NXPE2: variants seen among roughly 807,000 people sequenced by gnomAD.
The protein encoded by NXPE2 is NXPE family member 2.
NXPE2 carries 34 observed loss-of-function variants against 34.4 expected under a neutral mutation model. The observed-to-expected ratio is 0.99, with a 90% CI of 0.75 to 1.31. NXPE2 has a LOEUF of 1.31. Among genes scored for constraint, NXPE2 ranks in the 40% most tolerant of loss-of-function variants. The probability of loss-of-function intolerance (pLI) is 0.00; values close to 1 mark genes in which losing one functional copy is unlikely to be tolerated. For synonymous variants in NXPE2, 235 were observed against 231.3 expected, an observed-to-expected ratio of 1.02 and a Z score of -0.15; for missense variants, 649 against 672.5, an observed-to-expected ratio of 0.97 and a Z score of 0.39.
At chr11:114,668,746 T>C in the NXPE2 span, among the ~76,000 whole-genome samples, 1 of 152,120 alleles carries the variant, frequency 6.6e-6, no homozygotes, top group Non-Finnish European at 1.5e-5. Context: ...TTAGTGAATA[T>C]TGTAAATATA....
the NXPE2 span, among the ~76,000 whole-genome samples, chr11:114,607,583 G>GC: frequency 1.7e-4 from 26 of 152,008 alleles, no homozygotes; most frequent in African/African-American, 5.3e-4. Context: ...TTACCCAGTG[G>GC]ATAATAAGTC....
chr11:114,645,059 T>C, the NXPE2 span, among the ~76,000 whole-genome samples: 35 of 151,792 alleles, frequency 2.3e-4, no homozygotes, highest in African/African-American at 8.2e-4. Context: ...CTCAGCACTT[T>C]GGGAGGCTGA....
chr11:114,686,627 T>C (rs1487188558), intron 2 of NXPE2, among the ~76,000 whole-genome samples: 1 of 152,200 alleles, frequency 6.6e-6, no homozygotes, highest in African/African-American at 2.4e-5. Context: ...CCATTGGGTA[T>C]ATACCCAGTA....
the NXPE2 span, among the ~76,000 whole-genome samples, chr11:114,777,547 A>T: frequency 6.6e-6 from 1 of 152,170 alleles, no homozygotes; most frequent in African/African-American, 2.4e-5. Flanking sequence ...TGTTGAAGAC[A>T]GATTGTATTG....
Position 114,697,204 on chromosome 11 carries a change from A to T in NXPE2, c.133-841A>T, listed in dbSNP as rs543010215. ...AATAAGTGAAAGGGCTCAAGATGAG[A>T]TCATCCTGGATTAAGGGGGATCCTA... On this transcript the variant is annotated intron_variant, in intron 2 of 5. Transcript: ENST00000389586. Among the ~76,000 whole-genome samples, 14 of 152,306 alleles carry T rather than the reference A, an allele frequency of 9.2e-5. No homozygotes were observed. In the East Asian group the frequency reaches 2.7e-3, roughly 29 times the overall value.
chr11:114,487,419 C>T, the NXPE2 span, among the ~76,000 whole-genome samples: 1 of 152,214 alleles, frequency 6.6e-6, no homozygotes, highest in Admixed American at 6.5e-5. Context: ...TTTCCAAATA[C>T]AAGCTCACAT....
the NXPE2 span, among the ~76,000 whole-genome samples, chr11:114,586,298 T>C: frequency 6.6e-6 from 1 of 152,204 alleles, no homozygotes; most frequent in Admixed American, 6.5e-5. Context: ...AGAGAGACAA[T>C]GAACCTCGGG....
At chr11:114,697,447 G>T (rs867028079) in intron 2 of NXPE2, among the ~76,000 whole-genome samples, 3 of 152,156 alleles carry the variant, frequency 2.0e-5, no homozygotes, top group African/African-American at 7.2e-5. Context: ...CTTGATCTCC[G>T]ACTTCTGGCC....
At chr11:114,577,110 TAC>T in the NXPE2 span, among the ~76,000 whole-genome samples, 49 of 141,874 alleles carry the variant, frequency 3.5e-4, no homozygotes, top group South Asian at 4.2e-3. Context: ...GTTATATATA[TAC>T]ACATATATAT....
the NXPE2 span, among the ~76,000 whole-genome samples, chr11:114,541,165 G>A: frequency 2.0e-5 from 3 of 152,024 alleles, no homozygotes; most frequent in African/African-American, 4.8e-5. Flanking sequence ...CAAAAACATC[G>A]ACACTATTCT....
At chr11:114,490,641 C>G in the NXPE2 span, among the ~76,000 whole-genome samples, 57 of 152,314 alleles carry the variant, frequency 3.7e-4, no homozygotes, top group African/African-American at 1.3e-3. Context: ...GGAAAACTGG[C>G]TAGCCATATG....
chr11:114,490,692 A>C, the NXPE2 span, among the ~76,000 whole-genome samples: 2 of 152,226 alleles, frequency 1.3e-5, no homozygotes, highest in African/African-American at 2.4e-5. Context: ...ACCTTATACA[A>C]AAATTAATTC....
chr11:114,484,179 T>G, the NXPE2 span, among the ~76,000 whole-genome samples: 1 of 152,114 alleles, frequency 6.6e-6, no homozygotes, highest in African/African-American at 2.4e-5. Flanking sequence ...CCCCTATCCC[T>G]TTGTATTGTT....
the NXPE2 span, among the ~76,000 whole-genome samples, chr11:114,573,238 C>A: frequency 1.3e-5 from 2 of 151,994 alleles, no homozygotes; most frequent in South Asian, 2.1e-4. Flanking sequence ...TCAAAGCACA[C>A]CAAAATAGAA....
At chr11:114,695,665 T>A (rs1222675190) in intron 2 of NXPE2, among the ~76,000 whole-genome samples, 2 of 151,928 alleles carry the variant, frequency 1.3e-5, no homozygotes, top group Admixed American at 1.3e-4. Context: ...TCCAAACACA[T>A]CAGTGAAACA....
chr11:114,718,917 G>C, the NXPE2 span, among the ~76,000 whole-genome samples: 1 of 152,092 alleles, frequency 6.6e-6, no homozygotes, highest in Admixed American at 6.5e-5. Context: ...GGCTCGCTCT[G>C]CTCTCTCCTT....
At chr11:114,542,509 A>G in the NXPE2 span, among the ~76,000 whole-genome samples, 1 of 152,196 alleles carries the variant, frequency 6.6e-6, no homozygotes, top group Non-Finnish European at 1.5e-5. Flanking sequence ...AGAGAATAGT[A>G]TGCAATGGTT....
chr11:114,478,524 T>G, the NXPE2 span, among the ~76,000 whole-genome samples: 1 of 152,200 alleles, frequency 6.6e-6, no homozygotes, highest in African/African-American at 2.4e-5. Context: ...TTTTTTTGGA[T>G]TTGGGTTTAC....
At chr11:114,792,310 T>A in the NXPE2 span, among the ~76,000 whole-genome samples, 1 of 152,212 alleles carries the variant, frequency 6.6e-6, no homozygotes, top group African/African-American at 2.4e-5. Flanking sequence ...CAGAGCTGTC[T>A]CCTTGGGTTT....
Sources: gnomAD v4.1 joint callset for allele counts (sites outside exome capture counted in the v4.1 genomes callset) on GRCh38, gnomAD v4.1.1 for gene constraint, MANE v1.5 for transcripts, NCBI Gene and HGNC (gene_info 2026-07-23, HGNC 2026-07-21) for gene names.